CHIC1: variants seen among roughly 807,000 people sequenced by gnomAD.
The protein encoded by CHIC1 is cysteine-rich hydrophobic domain-containing protein 1.
A neutral mutation model predicts 18.5 loss-of-function variants in CHIC1; 7 were observed. The ratio of observed to expected loss-of-function variants is 0.38; its 90% confidence interval spans 0.22 to 0.71. CHIC1 has a LOEUF of 0.71. Ranked by LOEUF, CHIC1 falls within the 30% of genes least tolerant of loss-of-function variation. The pLI is 0.49. For missense variants in CHIC1, 159 were observed against 176.9 expected, an observed-to-expected ratio of 0.90 and a Z score of 0.57; for synonymous variants, 77 against 73.5, an observed-to-expected ratio of 1.05 and a Z score of -0.25.
At chrX:73,650,425 A>G (rs751457974) in intron 3 of CHIC1, among the ~76,000 whole-genome samples, 100 of 109,148 alleles carry the variant, frequency 9.2e-4, no homozygotes, top group Non-Finnish European at 1.7e-3. Flanking sequence ...AACAAAATAG[A>G]CTGGTAGCTA....
chrX:73,601,690 A>G (rs2057651408), intron 3 of CHIC1, among the ~76,000 whole-genome samples: 1 of 103,362 alleles, frequency 9.7e-6, no homozygotes, highest in African/African-American at 3.8e-5. Flanking sequence ...AGCTAGCAGA[A>G]GGCAAGAAAT....
intron 3 of CHIC1, among the ~76,000 whole-genome samples, chrX:73,633,324 T>G (rs1338261649): frequency 9.1e-6 from 1 of 109,616 alleles, no homozygotes; most frequent in Non-Finnish European, 1.9e-5. Flanking sequence ...TGGCAGTTTT[T>G]TTTTCCTTCA....
At chrX:73,675,865 G>C (rs2058059420) in intron 3 of CHIC1, among the ~76,000 whole-genome samples, 1 of 110,475 alleles carries the variant, frequency 9.1e-6, no homozygotes, top group Non-Finnish European at 1.9e-5. Context: ...TGCAGTGGCT[G>C]GTACCGGTTG....
At chrX:73,655,618 G>GTA (rs747856030) in intron 3 of CHIC1, among the ~76,000 whole-genome samples, 41 of 64,259 alleles carry the variant, frequency 6.4e-4, no homozygotes, top group African/African-American at 1.6e-3. Flanking sequence ...TATAGTGTGT[G>GTA]TATATATATA....
chrX:73,636,869 A>G (rs1427556573), intron 3 of CHIC1, among the ~76,000 whole-genome samples: 1 of 110,682 alleles, frequency 9.0e-6, no homozygotes, highest in African/African-American at 3.3e-5. Context: ...TATACCCACT[A>G]GTGTAGGCTC....
intron 2 of CHIC1, among the ~76,000 whole-genome samples, chrX:73,582,806 A>G (rs969176599): frequency 5.4e-5 from 6 of 111,002 alleles, no homozygotes; most frequent in African/African-American, 2.0e-4. Context: ...TGAAACTCAG[A>G]AAAATTAAAT....
At chrX:73,666,041 C>T (rs1374456515) in intron 3 of CHIC1, among the ~76,000 whole-genome samples, 1 of 111,913 alleles carries the variant, frequency 8.9e-6, no homozygotes. Flanking sequence ...AATTCCTTTA[C>T]ACTTCCTTGT....
At chrX:73,662,748 T>A (rs2057986857) in intron 3 of CHIC1, among the ~76,000 whole-genome samples, 1 of 110,365 alleles carries the variant, frequency 9.1e-6, no homozygotes, top group Non-Finnish European at 1.9e-5. Context: ...GAGAGAACAT[T>A]TGTAGTTTTT....
intron 3 of CHIC1, among the ~76,000 whole-genome samples, chrX:73,642,948 G>A (rs1246987789): frequency 9.0e-6 from 1 of 110,985 alleles, no homozygotes; most frequent in Non-Finnish European, 1.9e-5. Flanking sequence ...TTGAAGTCAG[G>A]TAGCGTGATG....
At position 73,584,377 on chromosome X, in the gene CHIC1, A is replaced by G. The variant is rs777433012; in HGVS notation, c.352-40A>G. On this transcript the variant is annotated intron_variant, in intron 2 of 5. Transcript: ENST00000373502. ...CTTAGATTTAGAGATAAACAGTGAA[A>G]AGCTGCCCACAAACTGTTAAAGATT... 17 of 1,110,315 alleles carry G rather than the reference A, an allele frequency of 1.5e-5. No homozygotes were observed. In the South Asian group the frequency reaches 3.7e-4, roughly 24 times the overall value. The allele number at this position is 1,110,315 out of a possible 1,213,427, so 91.5% of individuals were successfully genotyped here.
chrX:73,660,069 A>C (rs1288530797), intron 3 of CHIC1, among the ~76,000 whole-genome samples: 2 of 111,832 alleles, frequency 1.8e-5, no homozygotes, highest in East Asian at 5.6e-4. Context: ...AGTGGAATCC[A>C]TTACTTTCTT....
Position 73,577,448 on chromosome X carries a change from TTCTAACA to T in CHIC1, c.339_345del (p.Leu114GlyfsTer15). On this transcript the variant is annotated frameshift_variant, in exon 2 of 6. Coordinates refer to ENST00000373502, the MANE Select transcript of CHIC1 (RefSeq NM_001039840.4). LOFTEE classifies it high-confidence loss of function. Reference sequence around the variant, plus strand: ...AAGTTTGATACTGAATTTCCCTCCGTTCTAACAGGGAAGGTAAGTGAGAATTTGCTTT... The same window carrying T: ...AAGTTTGATACTGAATTTCCCTCCGTGGGAAGGTAAGTGAGAATTTGCTTT... 1 of 1,191,977 alleles carries T rather than the reference TTCTAACA, an allele frequency of 8.4e-7. No individual in the cohort carries two copies. The highest frequency in any genetic ancestry group is 1.1e-6 in the Non-Finnish European group (1 of 879,200).
intron 3 of CHIC1, among the ~76,000 whole-genome samples, chrX:73,659,258 T>C (rs2057967161): frequency 1.8e-5 from 2 of 111,442 alleles, no homozygotes; most frequent in African/African-American, 6.5e-5. Flanking sequence ...TTGGCTGCCT[T>C]CAGTCAAATT....
chrX:73,583,863 A>G (rs887933144), intron 2 of CHIC1, among the ~76,000 whole-genome samples: 5 of 111,678 alleles, frequency 4.5e-5, no homozygotes, highest in East Asian at 2.8e-4. Context: ...TTTGAATGCA[A>G]TCACTAGGCA....
In CHIC1 at chrX:73,682,948, A is replaced by G; in HGVS notation, c.*1943A>G. The G allele has an allele frequency of 8.9e-6, 1 of 111,774 alleles. No individual in the cohort carries two copies. The highest frequency in any genetic ancestry group is 4.7e-3 in the Middle Eastern group (1 of 214). The allele number at this position is 111,774 out of a possible 1,213,427, so 9.2% of individuals were successfully genotyped here. On this transcript the variant is annotated 3_prime_UTR_variant, in exon 6 of 6. Transcript: ENST00000373502. ...TAATACCAAAATCGATTTTCAGCAT[A>G]ATACAAAATATCTCATTTTCACTGA...
At chrX:73,669,662 G>T (rs776516762) in intron 3 of CHIC1, among the ~76,000 whole-genome samples, 3 of 112,025 alleles carry the variant, frequency 2.7e-5, no homozygotes, top group Non-Finnish European at 5.6e-5. Flanking sequence ...ATCTGGCCAA[G>T]CCACTGTGCT....
intron 3 of CHIC1, among the ~76,000 whole-genome samples, chrX:73,666,121 C>T (rs1251841192): frequency 8.9e-6 from 1 of 111,798 alleles, no homozygotes; most frequent in African/African-American, 3.3e-5. Flanking sequence ...TCTTTCGAAG[C>T]TTTTGCAAAA....
intron 3 of CHIC1, among the ~76,000 whole-genome samples, chrX:73,650,882 C>CA (rs916280829): frequency 1.8e-5 from 2 of 110,936 alleles, no homozygotes; most frequent in African/African-American, 6.6e-5. Context: ...AGAGACACAA[C>CA]AAAAAAAGGA....
intron 1 of CHIC1, among the ~76,000 whole-genome samples, chrX:73,574,730 A>G (rs1451013313): frequency 1.8e-5 from 2 of 110,568 alleles, no homozygotes; most frequent in Admixed American, 1.9e-4. Context: ...CATAATAGTT[A>G]TACGAATATT....
Sources: gnomAD v4.1 joint callset for allele counts (sites outside exome capture counted in the v4.1 genomes callset) on GRCh38, gnomAD v4.1.1 for gene constraint, MANE v1.5 for transcripts, NCBI Gene and HGNC (gene_info 2026-07-23, HGNC 2026-07-21) for gene names.